The following TIGAR variants were observed in gnomAD, a reference collection of about 807,000 sequenced individuals.
TIGAR encodes the protein TP53 induced glycolysis regulatory phosphatase, also known as fructose-2,6-bisphosphatase TIGAR.
In TIGAR, 7 loss-of-function variants were observed where a neutral mutation model predicts 17.9. The ratio of observed to expected loss-of-function variants is 0.39; its 90% CI spans 0.22 to 0.73. The LOEUF is 0.73. Among genes scored for constraint, TIGAR ranks in the 30% least tolerant of loss-of-function variants. The pLI is 0.42. For missense variants in TIGAR, 258 were observed against 327.4 expected (o/e 0.79, Z 1.64); for synonymous variants, 94 against 108.6 (o/e 0.87, Z 0.84).
intron 3 of TIGAR, among the ~76,000 whole-genome samples, chr12:4,337,818 A>G (rs1337865226): frequency 6.6e-6 from 1 of 152,156 alleles, no homozygotes; most frequent in East Asian, 1.9e-4. Flanking sequence ...AAATATCTTC[A>G]GGGAACAGAT....
At chr12:4,329,453 C>T (rs1043300338) in intron 1 of TIGAR, among the ~76,000 whole-genome samples, 22 of 148,982 alleles carry the variant, frequency 1.5e-4, no homozygotes, top group African/African-American at 5.2e-4. Flanking sequence ...ATTCTTGTGC[C>T]TCAGTCTCCC....
rs1476607087 is a variant in TIGAR, at chr12:4,352,334, G to A, written c.456G>A (p.Gln152=). ...TGAAAGAAGCGGATCAAAAAGAACAGTTTTCCCAAGGATCTCCAAGCAACT... is the reference window on the plus strand; with the variant it reads ...TGAAAGAAGCGGATCAAAAAGAACAATTTTCCCAAGGATCTCCAAGCAACT... ...LILKEADQKE[Q]FSQGSPSNCL... is the part of the protein sequence containing the mutation. Residue 152 remains glutamine, a synonymous_variant, in exon 6 of 6, where the codon CAG becomes CAA. Coordinates refer to ENST00000179259, the MANE Select transcript of TIGAR (RefSeq NM_020375.3). 1.9e-6 allele frequency: 3 copies of A among 1,614,066 alleles called. No individual in the cohort carries two copies. In the Admixed American group the frequency reaches 5.0e-5, roughly 27 times the overall value.
intron 1 of TIGAR, among the ~76,000 whole-genome samples, chr12:4,330,867 CTCTTTCACTTGCTCAT>C (rs1242377034): frequency 6.6e-6 from 1 of 152,204 alleles, no homozygotes; most frequent in Non-Finnish European, 1.5e-5. Context: ...CATTCAGATT[CTCTTTCACTTGCTCAT>C]TCAGTCCAGC....
chr12:4,332,592 T>G (rs961922109), intron 2 of TIGAR, among the ~76,000 whole-genome samples: 2 of 152,218 alleles, frequency 1.3e-5, no homozygotes, highest in Non-Finnish European at 2.9e-5. Context: ...ATGCCCGTAG[T>G]TTTGACACGT....
At chr12:4,329,115 A>G (rs1280097387) in intron 1 of TIGAR, among the ~76,000 whole-genome samples, 3 of 151,542 alleles carry the variant, frequency 2.0e-5, no homozygotes, top group Non-Finnish European at 2.9e-5. Flanking sequence ...TGCTTTTTCT[A>G]CTTAATCATA....
At chr12:4,336,972 CAT>C in intron 2 of TIGAR, 65 bp from the exon 3 acceptor site, 1 of 1,395,990 alleles carries the variant, frequency 7.2e-7, no homozygotes, top group Non-Finnish European at 9.5e-7. Context: ...ATATTTTCTA[CAT>C]GTGATTTATA....
intron 1 of TIGAR, chr12:4,324,617 T>A (rs962127253): frequency 1.2e-5 from 18 of 1,546,848 alleles, no homozygotes; most frequent in African/African-American, 1.4e-5. Flanking sequence ...GGTGCCTCCT[T>A]CTTGGCCTTG....
At chr12:4,333,182 T>C (rs1301119179) in intron 2 of TIGAR, among the ~76,000 whole-genome samples, 2 of 152,220 alleles carry the variant, frequency 1.3e-5, no homozygotes, top group African/African-American at 2.4e-5. Flanking sequence ...TTCACTGGTA[T>C]GTATTTTTCC....
intron 1 of TIGAR, among the ~76,000 whole-genome samples, chr12:4,329,653 A>T (rs529506016): frequency 6.6e-6 from 1 of 152,266 alleles, no homozygotes; most frequent in South Asian, 2.1e-4. Context: ...AATCTTTTAA[A>T]TATGAGTGAA....
chr12:4,324,888 T>C (rs1322390993), intron 1 of TIGAR: 1 of 442,680 alleles, frequency 2.3e-6, no homozygotes, highest in Non-Finnish European at 4.0e-6. Context: ...GCAAACTAAA[T>C]TTAATATACT....
rs1591668681 is a variant in TIGAR, at chr12:4,357,964, C to G, written c.*5273C>G. Among the ~76,000 whole-genome samples the G allele has an allele frequency of 6.6e-6, 1 of 151,884 alleles. No individual in the cohort carries two copies. The highest frequency in any genetic ancestry group is 6.6e-5 in the Admixed American group (1 of 15,248). ...TGAAAAATAGAAAAAATTAGCCAGG[C>G]CTGGTGGCCGGCGCCTGTAGTCCCA... On this transcript the variant is annotated 3_prime_UTR_variant, in exon 6 of 6. Coordinates refer to ENST00000179259, the MANE Select transcript of TIGAR (RefSeq NM_020375.3).
intron 2 of TIGAR, among the ~76,000 whole-genome samples, chr12:4,334,056 T>G (rs550924435): frequency 6.6e-6 from 1 of 151,936 alleles, no homozygotes. Context: ...CTTGGTTTTT[T>G]TCCTGTTCCA....
At chr12:4,328,178 G>T (rs1318194017) in intron 1 of TIGAR, among the ~76,000 whole-genome samples, 5 of 152,106 alleles carry the variant, frequency 3.3e-5, no homozygotes, top group African/African-American at 1.2e-4. Flanking sequence ...GATTCTGAAT[G>T]AATTTTGGAG....
rs1314041576 is a variant in TIGAR, at chr12:4,352,380, G to A, written c.502G>A (p.Glu168Lys). Reference protein sequence around the residue: ...PSNCLETSLAEIFPLGKNHSS... With the variant: ...PSNCLETSLAKIFPLGKNHSS... ...CAACTGTCTGGAAACTTCTTTGGCA[G>A]AGATATTTCCTTTAGGAAAAAATCA... Residue 168 changes from glutamate to lysine, a missense_variant, in exon 6 of 6, where the codon GAG becomes AAG. Physicochemically the swap from Glu to Lys is moderately conservative, Grantham distance 56. Transcript: ENST00000179259. 2.5e-6 allele frequency: 4 copies of A among 1,614,158 alleles called. No homozygotes were observed. Among genetic ancestry groups the A allele is most frequent in the Non-Finnish European group, 3.4e-6 (4 of 1,180,034 alleles).
At chr12:4,342,295 A>C (rs1229921149) in intron 3 of TIGAR, among the ~76,000 whole-genome samples, 1 of 152,236 alleles carries the variant, frequency 6.6e-6, no homozygotes, top group Non-Finnish European at 1.5e-5. Flanking sequence ...GAATGGAACC[A>C]AGTTGGAAAA....
Position 4,353,811 on chromosome 12 carries a change from G to C in TIGAR, c.*1120G>C, listed in dbSNP as rs757476857. The C allele has an allele frequency of 6.6e-6, 1 of 150,732 alleles. No individual in the cohort carries two copies. The highest frequency in any genetic ancestry group is 1.5e-5 in the Non-Finnish European group (1 of 67,982). 9.3% of individuals were successfully genotyped at this position (150,732 alleles called of 1,614,324 possible). On this transcript the variant is annotated 3_prime_UTR_variant, in exon 6 of 6. Coordinates refer to ENST00000179259, the MANE Select transcript of TIGAR (RefSeq NM_020375.3). ...ATCGCACCACTTCACTCCAGCCTAGGTGACAGAGGGGATGACAGAGGGTGC... is the reference window on the plus strand; with the variant it reads ...ATCGCACCACTTCACTCCAGCCTAGCTGACAGAGGGGATGACAGAGGGTGC...
Position 4,359,909 on chromosome 12 carries a change from GGTA to G in TIGAR, c.*7222_*7224del, listed in dbSNP as rs1864956480. Among the ~76,000 whole-genome samples the G allele has an allele frequency of 6.6e-6, 1 of 150,844 alleles. No individual in the cohort carries two copies. The highest frequency in any genetic ancestry group is 2.5e-5 in the African/African-American group (1 of 40,306). ...ATTTTAGCCATTCTGATTGTTGTATGGTAGTATATCCCTGCAATTTTAACTGGT... is the reference window on the plus strand; with the variant it reads ...ATTTTAGCCATTCTGATTGTTGTATGGTATATCCCTGCAATTTTAACTGGT... On this transcript the variant is annotated 3_prime_UTR_variant, in exon 6 of 6. Transcript: ENST00000179259.
chr12:4,324,942 CTT>C (rs35996093), intron 1 of TIGAR: 478 of 190,156 alleles, frequency 2.5e-3, no homozygotes, highest in South Asian at 7.2e-3. Flanking sequence ...TTTGTTTTTG[CTT>C]TTTTTTTTTT....
chr12:4,353,974 A>G lies in TIGAR; in HGVS notation c.*1283A>G, dbSNP rs540204294. On this transcript the variant is annotated 3_prime_UTR_variant, in exon 6 of 6. Coordinates refer to ENST00000179259, the MANE Select transcript of TIGAR (RefSeq NM_020375.3). ...ATGGCACTGGAGAAAAGGGATTTTG[A>G]TTAACTTAATTTTATACACAAGATT... is the stretch of plus-strand genomic sequence containing the variant. The G allele has an allele frequency of 6.6e-6, 1 of 152,666 alleles. No individual in the cohort carries two copies. The highest frequency in any genetic ancestry group is 1.5e-5 in the Non-Finnish European group (1 of 67,998). 9.5% of individuals were successfully genotyped at this position (152,666 alleles called of 1,614,324 possible). A position where few individuals can be genotyped will look rare whatever the true frequency, so the allele number is the denominator to read the frequency against.
Sources: gnomAD v4.1 joint callset for allele counts (sites outside exome capture counted in the v4.1 genomes callset) on GRCh38, gnomAD v4.1.1 for gene constraint, MANE v1.5 for transcripts, NCBI Gene and HGNC (gene_info 2026-07-23, HGNC 2026-07-21) for gene names.